The following ZSWIM5 variants were observed in gnomAD, a reference collection of about 807,000 sequenced individuals.
The protein encoded by ZSWIM5 is zinc finger SWIM-type containing 5.
In ZSWIM5, 55 loss-of-function variants were observed where a neutral mutation model predicts 119.6. The ratio of observed to expected loss-of-function variants is 0.46; its 90% CI spans 0.37 to 0.58. ZSWIM5 has a LOEUF of 0.58. ZSWIM5 is among the 20% of genes least tolerant of loss of function. ZSWIM5 has a pLI of 0.00. For missense variants in ZSWIM5, 1,193 were observed against 1,512.8 expected (o/e 0.79, Z 3.51); for synonymous variants, 537 against 606.9 (o/e 0.88, Z 1.69).
In ZSWIM5 at chr1:45,038,604, C is replaced by CTTTTTTTT. The variant is rs55717021; in HGVS notation, c.1894+324_1894+331dup. 3.5e-4 allele frequency among the ~76,000 whole-genome samples: 17 copies of CTTTTTTTT among 48,500 alleles called. 6 individuals are homozygous for CTTTTTTTT. Among genetic ancestry groups the CTTTTTTTT allele is most frequent in the Admixed American group, 8.8e-4 (2 of 2,262 alleles). 31.8% of individuals were successfully genotyped at this position (48,500 alleles called of 152,430 possible). On this transcript the variant is annotated intron_variant, in intron 8 of 13. Transcript: ENST00000359600. ...GGAGAAAAGGGCTGACGAGGGCAGT[C>CTTTTTTTT]TTTTTTTTTTTTTTTTTAATGAAAC...
chr1:45,050,282 T>G (rs1645081781), intron 5 of ZSWIM5, among the ~76,000 whole-genome samples: 1 of 151,244 alleles, frequency 6.6e-6, no homozygotes, highest in African/African-American at 2.4e-5. Context: ...GCTTGAACCC[T>G]GGAGGCAGAG....
At chr1:45,182,344 C>T (rs1313519553) in intron 1 of ZSWIM5, among the ~76,000 whole-genome samples, 1 of 150,866 alleles carries the variant, frequency 6.6e-6, no homozygotes, top group East Asian at 1.9e-4. Flanking sequence ...GCGGAGCTTG[C>T]AGTGAGCGGA....
At chr1:45,106,155 G>A (rs1390806449) in intron 1 of ZSWIM5, among the ~76,000 whole-genome samples, 1 of 139,850 alleles carries the variant, frequency 7.2e-6, no homozygotes, top group Non-Finnish European at 1.5e-5. Flanking sequence ...GGGCGTCTCT[G>A]CCCGGCCGCC....
At chr1:45,035,300 C>A (rs1212766413) in intron 10 of ZSWIM5, among the ~76,000 whole-genome samples, 2 of 152,182 alleles carry the variant, frequency 1.3e-5, no homozygotes, top group Non-Finnish European at 2.9e-5. Flanking sequence ...ACATATTTAT[C>A]TCTACTTCCC....
Position 45,205,895 on chromosome 1 carries a change from G to T in ZSWIM5, c.456C>A (p.Ala152=). The T allele has an allele frequency of 9.4e-7, 1 of 1,062,692 alleles. No homozygotes were observed. Among genetic ancestry groups the T allele is most frequent in the Non-Finnish European group, 1.1e-6 (1 of 884,290 alleles). The allele number at this position is 1,062,692 out of a possible 1,614,324, so 65.8% of individuals were successfully genotyped here. A position where few individuals can be genotyped will look rare whatever the true frequency, so the allele number is the denominator to read the frequency against. Residue 152 remains alanine, a synonymous_variant, in exon 1 of 14, where the codon GCC becomes GCA. Transcript: ENST00000359600. ...PPGAAAPAGS[A]PGGVAAGASP... is the part of the protein sequence containing the mutation. Reference sequence around the variant, plus strand: ...ATGCCCCAGCCGCGACGCCCCCGGGGGCGGAGCCGGCCGGAGCGGCGGCCC... The same window carrying T: ...ATGCCCCAGCCGCGACGCCCCCGGGTGCGGAGCCGGCCGGAGCGGCGGCCC...
In ZSWIM5 at chr1:45,088,375, G is replaced by T; in HGVS notation, c.596-138C>A. 1.6e-6 allele frequency: 1 copy of T among 623,530 alleles called. No homozygotes were observed. The highest frequency in any genetic ancestry group is 2.7e-6 in the Non-Finnish European group (1 of 370,754). 38.6% of individuals were successfully genotyped at this position (623,530 alleles called of 1,614,324 possible). A position where few individuals can be genotyped will look rare whatever the true frequency, so the allele number is the denominator to read the frequency against. The stretch of plus-strand genomic sequence containing the variant: ...CACGTACATGATAGGCTTTGCCACA[G>T]ACACAGAGGTCAATGAAATTCAGTT... On this transcript the variant is annotated intron_variant, in intron 1 of 13. Coordinates refer to ENST00000359600, the MANE Select transcript of ZSWIM5 (RefSeq NM_020883.2). The surrounding 1 kb of genome is among the most constrained non-coding windows in gnomAD (Gnocchi z 4.2).
At chr1:45,114,786 C>A (rs1645537936) in intron 1 of ZSWIM5, among the ~76,000 whole-genome samples, 1 of 151,964 alleles carries the variant, frequency 6.6e-6, no homozygotes, top group African/African-American at 2.4e-5. Context: ...GGCAGAGGAC[C>A]CTGCGGCCTT....
chr1:45,167,054 G>C (rs1645909594), intron 1 of ZSWIM5, among the ~76,000 whole-genome samples: 1 of 152,048 alleles, frequency 6.6e-6, no homozygotes, highest in Non-Finnish European at 1.5e-5. Flanking sequence ...GAGGCATCAT[G>C]CTACCTGACT....
rs1488239672 is a variant in ZSWIM5, at chr1:45,019,492, T to C, written c.2696-176A>G. 1.3e-5 allele frequency among the ~76,000 whole-genome samples: 2 copies of C among 152,146 alleles called. No homozygotes were observed. The highest frequency in any genetic ancestry group is 1.3e-4 in the Admixed American group (2 of 15,278). ...GAGCATCCCAGATGGCCAGACCCTG[T>C]TTGGGGTCTCTTCCTATCCCTTCTT... is the stretch of plus-strand genomic sequence containing the variant. On this transcript the variant is annotated intron_variant, in intron 13 of 13. Transcript: ENST00000359600. This position sits in a 1 kb window ranked among gnomAD's most constrained non-coding sequence, Gnocchi z 5.0.
intron 2 of ZSWIM5, among the ~76,000 whole-genome samples, chr1:45,076,197 C>T (rs761405890): frequency 6.6e-6 from 1 of 152,174 alleles, no homozygotes; most frequent in Non-Finnish European, 1.5e-5. Context: ...TGTCTACTTA[C>T]TATCACCAGT....
chr1:45,104,825 C>A (rs111334683), intron 1 of ZSWIM5, among the ~76,000 whole-genome samples: 2 of 152,186 alleles, frequency 1.3e-5, no homozygotes, highest in Non-Finnish European at 2.9e-5. Flanking sequence ...CATTGGCCCC[C>A]CTCAGCACCA....
rs1281404042 is a variant in ZSWIM5 at position 45,017,268 on chromosome 1, T to C, written c.*1186A>G. On this transcript the variant is annotated 3_prime_UTR_variant, in exon 14 of 14. Coordinates refer to ENST00000359600, the MANE Select transcript of ZSWIM5 (RefSeq NM_020883.2). ...TCCCTACATGTAGAAATACGCTCAG[T>C]TACACATATAAAGACACAGATGCAT... 6.6e-6 allele frequency: 1 copy of C among 152,146 alleles called. No homozygotes were observed. The highest frequency in any genetic ancestry group is 1.9e-4 in the East Asian group (1 of 5,200). 9.4% of individuals were successfully genotyped at this position (152,146 alleles called of 1,614,324 possible). A position where few individuals can be genotyped will look rare whatever the true frequency, so the allele number is the denominator to read the frequency against.
At chr1:45,041,871 T>C (rs1176756688) in intron 6 of ZSWIM5, among the ~76,000 whole-genome samples, 3 of 152,226 alleles carry the variant, frequency 2.0e-5, no homozygotes, top group Non-Finnish European at 4.4e-5. Context: ...GATGGTATTA[T>C]ACTTACTGTT....
At chr1:45,200,925 A>G (rs1210576593) in intron 1 of ZSWIM5, among the ~76,000 whole-genome samples, 2 of 152,164 alleles carry the variant, frequency 1.3e-5, no homozygotes, top group Admixed American at 6.5e-5. Context: ...CTAACCCCCA[A>G]TACCTCAGAA....
intron 11 of ZSWIM5, among the ~76,000 whole-genome samples, chr1:45,027,239 T>A (rs551776680): frequency 1.8e-4 from 27 of 152,142 alleles, no homozygotes; most frequent in Non-Finnish European, 3.4e-4. Flanking sequence ...TTTTGTTATC[T>A]ATTTTCTTCT....
chr1:45,118,792 G>A (rs998538508), intron 1 of ZSWIM5, among the ~76,000 whole-genome samples: 5 of 150,518 alleles, frequency 3.3e-5, no homozygotes, highest in Admixed American at 1.3e-4. Context: ...TTTATTGGAC[G>A]AATTAATCAC....
chr1:45,040,470 T>C lies in ZSWIM5; in HGVS notation c.1678A>G (p.Arg560Gly), dbSNP rs371460611. 33 of 1,612,296 alleles carry C rather than the reference T, an allele frequency of 2.0e-5. No individual in the cohort carries two copies. Among genetic ancestry groups the C allele is most frequent in the Non-Finnish European group, 2.7e-5 (32 of 1,179,262 alleles). Residue 560 changes from arginine (R) to glycine (G), a missense_variant, in exon 7 of 14, where the codon AGA becomes GGA. Physicochemically the swap from Arg to Gly is moderately radical, Grantham distance 125. Transcript: ENST00000359600. ...GTATTAATAATGGCCACTGTGAGTC[T>C]GAGGGCCTCTTTTGGATAACCATGG... The part of the protein sequence containing the change: ...RSHGYPKEAL[R>G]LTVAIINTLR...
At chr1:45,082,091 A>G (rs560891323) in intron 2 of ZSWIM5, among the ~76,000 whole-genome samples, 13 of 152,152 alleles carry the variant, frequency 8.5e-5, no homozygotes, top group African/African-American at 1.2e-4. Context: ...ATTAAGGGCG[A>G]TGCAAGATGT....
chr1:45,116,044 C>G (rs976718544), intron 1 of ZSWIM5, among the ~76,000 whole-genome samples: 1 of 150,888 alleles, frequency 6.6e-6, no homozygotes. Context: ...TGCAGTGAGC[C>G]GAGATGGCGG....
Sources: allele counts gnomAD v4.1 joint callset (sites outside exome capture counted in the v4.1 genomes callset), GRCh38; gene constraint gnomAD v4.1.1; non-coding constraint Gnocchi (gnomAD v3.1); transcripts MANE v1.5; gene names NCBI Gene and HGNC (gene_info 2026-07-23, HGNC 2026-07-21).